PCGF5: variants seen among roughly 807,000 people sequenced by gnomAD.
The protein encoded by PCGF5 is polycomb group RING finger protein 5.
A neutral mutation model predicts 44.3 loss-of-function variants in PCGF5; 9 were observed. The observed-to-expected ratio is 0.20, with a 90% CI of 0.12 to 0.35. PCGF5 has a LOEUF of 0.35. Among genes scored for constraint, PCGF5 ranks in the 10% least tolerant of loss-of-function variants. The pLI is 1.00. For synonymous variants in PCGF5, 95 were observed against 102.5 expected (o/e 0.93, Z 0.44); for missense variants, 146 against 305.3 (o/e 0.48, Z 3.89).
At chr10:91,159,845 C>T (rs894777870), upstream of PCGF5, among the ~76,000 whole-genome samples, 3 of 152,104 alleles carry the variant, frequency 2.0e-5, no homozygotes, top group Non-Finnish European at 4.4e-5. Context: ...AACTCTAATG[C>T]CCATGTTTAA....
intron 3 of PCGF5, among the ~76,000 whole-genome samples, chr10:91,242,184 A>G (rs1456659170): frequency 6.7e-6 from 1 of 150,070 alleles, no homozygotes; most frequent in Non-Finnish European, 1.5e-5. Flanking sequence ...GGCATCTAGT[A>G]GGCAGGGGAC....
At chr10:91,200,870 C>T (rs1844239012) in intron 1 of PCGF5, among the ~76,000 whole-genome samples, 1 of 152,000 alleles carries the variant, frequency 6.6e-6, no homozygotes, top group African/African-American at 2.4e-5. Context: ...AAATATTAAC[C>T]TAGAGCTTGC....
At chr10:91,261,541 T>A (rs1170554473) in intron 7 of PCGF5, 117 bp downstream of exon 7, 2 of 1,222,250 alleles carry the variant, frequency 1.6e-6, no homozygotes, top group African/African-American at 3.0e-5. Context: ...ACTTTGATTA[T>A]TTTTGTGTTA....
intron 8 of PCGF5, among the ~76,000 whole-genome samples, chr10:91,267,169 C>T (rs918942486): frequency 6.6e-6 from 1 of 152,124 alleles, no homozygotes; most frequent in Admixed American, 6.6e-5. Flanking sequence ...AACCACACCC[C>T]ACTTGCCCTC....
At chr10:91,164,106 C>A (rs1030601542) in intron 1 of PCGF5, among the ~76,000 whole-genome samples, 1 of 151,826 alleles carries the variant, frequency 6.6e-6, no homozygotes, top group African/African-American at 2.4e-5. Flanking sequence ...ATGATTCATG[C>A]GGGGTACACA....
chr10:91,269,124 C>G (rs1846116397), intron 8 of PCGF5, among the ~76,000 whole-genome samples: 1 of 152,174 alleles, frequency 6.6e-6, no homozygotes, highest in South Asian at 2.1e-4. Flanking sequence ...TTCCAGCAAA[C>G]TCCCAGGAGA....
chr10:91,253,861 T>C (rs1026684249), intron 6 of PCGF5, among the ~76,000 whole-genome samples: 17 of 152,066 alleles, frequency 1.1e-4, no homozygotes, highest in Admixed American at 2.0e-4. Flanking sequence ...TGGTCTCTGT[T>C]GCAATTTACT....
chr10:91,187,878 C>T (rs1035165296), intron 1 of PCGF5, among the ~76,000 whole-genome samples: 1 of 151,932 alleles, frequency 6.6e-6, no homozygotes, highest in South Asian at 2.1e-4. Context: ...AACTAAGTGA[C>T]TTGACATCTT....
intron 3 of PCGF5, among the ~76,000 whole-genome samples, chr10:91,243,899 G>A (rs575965004): frequency 6.6e-6 from 1 of 152,080 alleles, no homozygotes; most frequent in East Asian, 1.9e-4. Context: ...TATTTCTATT[G>A]GTCATCACTT....
At chr10:91,156,453 C>A in the PCGF5 span, among the ~76,000 whole-genome samples, 15 of 152,114 alleles carry the variant, frequency 9.9e-5, no homozygotes, top group African/African-American at 3.6e-4. Flanking sequence ...GATTCCCTTT[C>A]TTAAATTGTC....
rs1322411971 is a variant in PCGF5 at position 91,284,323 on chromosome 10, C to T, written c.*6007C>T. ...AGATTGCAGCCTTCATTAAAAATAT[C>T]TCCTTTAAGTACTAGTCCTGTAGCA... On this transcript the variant is annotated 3_prime_UTR_variant, in exon 10 of 10. Coordinates refer to ENST00000336126, the MANE Select transcript of PCGF5 (RefSeq NM_032373.5). 1 of 152,536 alleles carries T rather than the reference C, an allele frequency of 6.6e-6. No individual in the cohort carries two copies. Among genetic ancestry groups the T allele is most frequent in the African/African-American group, 2.4e-5 (1 of 41,408 alleles). 9.4% of individuals were successfully genotyped at this position (152,536 alleles called of 1,614,324 possible). A position where few individuals can be genotyped will look rare whatever the true frequency, so the allele number is the denominator to read the frequency against.
chr10:91,227,323 G>A (rs1014084984), intron 2 of PCGF5: 20 of 954,604 alleles, frequency 2.1e-5, no homozygotes, highest in Non-Finnish European at 2.5e-5. Context: ...TTTGGCTTAC[G>A]CTTTTCTTCT....
chr10:91,177,068 G>T (rs1018411731), intron 1 of PCGF5, among the ~76,000 whole-genome samples: 1 of 145,534 alleles, frequency 6.9e-6, no homozygotes, highest in Non-Finnish European at 1.5e-5. Flanking sequence ...TGATGGTGAC[G>T]TACAGATGGG....
chr10:91,234,385 C>T (rs1305225559), intron 2 of PCGF5, among the ~76,000 whole-genome samples: 1 of 152,188 alleles, frequency 6.6e-6, no homozygotes, highest in Non-Finnish European at 1.5e-5. Context: ...ACACACACCT[C>T]ACCCTACCCC....
intron 7 of PCGF5, 58 bp from the exon 8 acceptor site, chr10:91,264,373 G>T: frequency 7.3e-7 from 1 of 1,368,796 alleles, no homozygotes; most frequent in Admixed American, 2.3e-5. Context: ...CAAAAAATAT[G>T]CAAAATACTT....
chr10:91,214,213 G>C (rs1457801650), intron 1 of PCGF5, among the ~76,000 whole-genome samples: 1 of 151,934 alleles, frequency 6.6e-6, no homozygotes, highest in South Asian at 2.1e-4. Context: ...GAGGTGGGAG[G>C]ATCACTTGAG....
At chr10:91,260,864 A>G (rs910433569) in intron 6 of PCGF5, among the ~76,000 whole-genome samples, 1 of 151,626 alleles carries the variant, frequency 6.6e-6, no homozygotes, top group African/African-American at 2.4e-5. Flanking sequence ...ATGCTAAATG[A>G]CCAGTTAATG....
intron 1 of PCGF5, among the ~76,000 whole-genome samples, chr10:91,191,076 G>A (rs1251301555): frequency 1.3e-5 from 2 of 152,184 alleles, no homozygotes; most frequent in Admixed American, 1.3e-4. Context: ...GTGGGTGCCT[G>A]ATACCATGGA....
chr10:91,180,956 A>G (rs1010524767), intron 1 of PCGF5, among the ~76,000 whole-genome samples: 22 of 152,220 alleles, frequency 1.4e-4, no homozygotes, highest in Admixed American at 6.5e-4. Flanking sequence ...GGCCATTTTC[A>G]CAATATTGAT....
Sources: gnomAD v4.1 joint callset for allele counts (sites outside exome capture counted in the v4.1 genomes callset) on GRCh38, gnomAD v4.1.1 for gene constraint, MANE v1.5 for transcripts, NCBI Gene and HGNC (gene_info 2026-07-23, HGNC 2026-07-21) for gene names.